SMC1B: variants seen among roughly 807,000 people sequenced by gnomAD.
The protein encoded by SMC1B is structural maintenance of chromosomes protein 1B.
A neutral mutation model predicts 157.9 loss-of-function variants in SMC1B; 60 were observed. That is an observed-to-expected ratio of 0.38 (90% CI 0.31 to 0.47). The LOEUF (loss-of-function observed/expected upper bound fraction) is 0.47. SMC1B is among the 20% of genes least tolerant of loss of function. SMC1B has a pLI of 0.99. For synonymous variants in SMC1B, 445 were observed against 483.0 expected (o/e 0.92, Z 1.03); for missense variants, 1,165 against 1,426.2 (o/e 0.82, Z 2.95).
chr22:45,398,619 C>T (rs534595804), intron 6 of SMC1B, among the ~76,000 whole-genome samples: 3 of 152,154 alleles, frequency 2.0e-5, no homozygotes, highest in African/African-American at 4.8e-5. Flanking sequence ...CACCAGAGGT[C>T]GGGAGTTTGA....
rs759961422 is a variant in SMC1B at position 45,396,326 on chromosome 22, T to G, written c.1254+20A>C. 1.9e-6 allele frequency: 3 copies of G among 1,587,048 alleles called. No homozygotes were observed. On this transcript the variant is annotated intron_variant, in intron 7 of 24. Coordinates refer to ENST00000357450, the MANE Select transcript of SMC1B (RefSeq NM_148674.5). ...TTCATTAAGAATGATTCTAAATCAT[T>G]ACTGTACAACCCAAGACACCTGAAC...
chr22:45,365,395 G>A (rs1405197261), intron 15 of SMC1B, among the ~76,000 whole-genome samples: 2 of 152,108 alleles, frequency 1.3e-5, no homozygotes, highest in African/African-American at 4.8e-5. Flanking sequence ...GTTACTAGAT[G>A]TTAGATCAAT....
chr22:45,398,072 T>A (rs1449699355), intron 6 of SMC1B, among the ~76,000 whole-genome samples: 3 of 151,648 alleles, frequency 2.0e-5, no homozygotes, highest in Non-Finnish European at 4.4e-5. Context: ...AGGGCCAGAG[T>A]GGGTCAAGAG....
chr22:45,412,878 C>A (rs2087361753), intron 1 of SMC1B, among the ~76,000 whole-genome samples: 1 of 152,198 alleles, frequency 6.6e-6, no homozygotes, highest in African/African-American at 2.4e-5. Context: ...GTGGTTCTGG[C>A]TGCTTGGAAC....
intron 15 of SMC1B, among the ~76,000 whole-genome samples, chr22:45,369,241 C>T (rs892466436): frequency 4.6e-5 from 7 of 151,900 alleles, no homozygotes; most frequent in Non-Finnish European, 1.0e-4. Flanking sequence ...GGACTACAGG[C>T]GCCTGCCACC....
rs183795090 is a variant in SMC1B at position 45,347,873 on chromosome 22, G to C, written c.3495+1855C>G. Among the ~76,000 whole-genome samples the C allele has an allele frequency of 3.9e-5, 6 of 152,318 alleles. No individual in the cohort carries two copies. The East Asian group carries it at 9.6e-4, about 24-fold the overall frequency. On this transcript the variant is annotated intron_variant, in intron 23 of 24. Coordinates refer to ENST00000357450, the MANE Select transcript of SMC1B (RefSeq NM_148674.5). ...CATTTCTAGAAGATGGATGGGCCTG[G>C]AATCAGAACCAGGAGAACCTAATTC... is the stretch of plus-strand genomic sequence containing the variant.
At chr22:45,347,829 C>T (rs951998826) in intron 23 of SMC1B, among the ~76,000 whole-genome samples, 1 of 152,096 alleles carries the variant, frequency 6.6e-6, no homozygotes, top group African/African-American at 2.4e-5. Flanking sequence ...TGTAAGCAGC[C>T]GTTAATGCAA....
chr22:45,399,500 T>C (rs1322107948), intron 5 of SMC1B, 147 bp from the exon 6 acceptor site: 6 of 732,234 alleles, frequency 8.2e-6, no homozygotes, highest in Non-Finnish European at 1.1e-5. Flanking sequence ...TTGCCAAAGG[T>C]TGAGCAAGGT....
chr22:45,402,645 A>G (rs2087210642), intron 4 of SMC1B, 74 bp from the exon 5 acceptor site: 1 of 916,768 alleles, frequency 1.1e-6, no homozygotes, highest in South Asian at 1.6e-5. Context: ...CTCAACTACT[A>G]TACCAACAAA....
intron 7 of SMC1B, 95 bp from the exon 8 acceptor site, chr22:45,394,862 A>C (rs1172508988): frequency 8.3e-7 from 1 of 1,210,632 alleles, no homozygotes; most frequent in Non-Finnish European, 1.1e-6. Flanking sequence ...AAGCTGTTAT[A>C]AAATTGAAAG....
At chr22:45,351,741 G>A (rs1015860276) in intron 22 of SMC1B, among the ~76,000 whole-genome samples, 1 of 151,944 alleles carries the variant, frequency 6.6e-6, no homozygotes, top group East Asian at 1.9e-4. Context: ...GTAGACACGG[G>A]GTCTCACTAT....
intron 18 of SMC1B, 23 bp from the exon 19 acceptor site, chr22:45,358,818 C>T (rs893310446): frequency 1.9e-6 from 3 of 1,551,574 alleles, no homozygotes; most frequent in Non-Finnish European, 1.8e-6. Flanking sequence ...TGAACACATA[C>T]ATTTGTTGAT....
Position 45,344,548 on chromosome 22 carries a change from G to A in SMC1B, c.*8C>T. On this transcript the variant is annotated 3_prime_UTR_variant, in exon 25 of 25. Transcript: ENST00000357450. ...AACAGTGATCAGGTGACTGCTGCAG[G>A]ACTGCCCCTAGCGGGACTCTCCGTG... The A allele has an allele frequency of 6.3e-7, 1 of 1,598,712 alleles. No individual in the cohort carries two copies. The highest frequency in any genetic ancestry group is 8.6e-7 in the Non-Finnish European group (1 of 1,166,048).
chr22:45,369,868 C>G (rs1056023778), intron 15 of SMC1B, 86 bp downstream of exon 15: 1 of 815,124 alleles, frequency 1.2e-6, no homozygotes, highest in Non-Finnish European at 1.9e-6. Flanking sequence ...TGAAATGAAA[C>G]TCAGGCATAA....
intron 16 of SMC1B, 139 bp downstream of exon 16, chr22:45,362,746 G>T (rs2086733903): frequency 1.5e-6 from 1 of 688,714 alleles, no homozygotes; most frequent in Non-Finnish European, 2.4e-6. Context: ...AAGCTCTGCT[G>T]ATTTTACTTT....
chr22:45,371,512 G>A lies in SMC1B; in HGVS notation c.2272C>T (p.Arg758Ter), dbSNP rs758779566. ...TGAAATTCTTTAATTCTTCGTTGTC[G>A]TTCCTTGATTCCTTCACTCAACATA... ...CIMLSEGIKERQRRIKEFQEK... is the reference protein window; with the variant it reads ...CIMLSEGIKE The change falls in exon 14 of 25, where the codon CGA (arginine) becomes TGA (stop). Residue 758 changes from arginine (R) to a stop codon, truncating the protein, a stop_gained. Transcript: ENST00000357450. LOFTEE classifies it high-confidence loss of function. 1.3e-6 allele frequency: 2 copies of A among 1,597,326 alleles called. No individual in the cohort carries two copies. The highest frequency in any genetic ancestry group is 2.3e-5 in the East Asian group (1 of 44,236).
chr22:45,400,737 G>A (rs2146844035), intron 5 of SMC1B, among the ~76,000 whole-genome samples: 1 of 152,164 alleles, frequency 6.6e-6, no homozygotes, highest in South Asian at 2.1e-4. Flanking sequence ...AGGTGATCAA[G>A]GTCAACATCA....
chr22:45,361,860 T>A lies in SMC1B; in HGVS notation c.2687A>T (p.Lys896Met). Residue 896 changes from lysine to methionine, a missense_variant, in exon 17 of 25, where the codon AAG becomes ATG. By Grantham distance (95) the Lys-to-Met change is moderately conservative. Coordinates refer to ENST00000357450, the MANE Select transcript of SMC1B (RefSeq NM_148674.5). ...KVQTQIEEERKKFLAVDREVG... is the reference protein window; with the variant it reads ...KVQTQIEEERMKFLAVDREVG... ...TTACCTATCAACAGCCAGAAACTTC[T>A]TCCGTTCCTCTTCAATTTGAGTTTG... The A allele has an allele frequency of 1.9e-6, 3 of 1,614,092 alleles. No homozygotes were observed. The South Asian group carries it at 3.3e-5, about 18-fold the overall frequency.
At chr22:45,358,565 A>T in intron 19 of SMC1B, 132 bp downstream of exon 19, 1 of 574,960 alleles carries the variant, frequency 1.7e-6, no homozygotes, top group East Asian at 3.1e-5. Context: ...TTTCCTTTGT[A>T]TATTTCTTCC....
Sources: allele counts gnomAD v4.1 joint callset (sites outside exome capture counted in the v4.1 genomes callset), GRCh38; gene constraint gnomAD v4.1.1; transcripts MANE v1.5; gene names NCBI Gene and HGNC (gene_info 2026-07-23, HGNC 2026-07-21).